NPAS3: variants seen among roughly 807,000 people sequenced by gnomAD.
NPAS3 encodes neuronal PAS domain-containing protein 3.
A neutral mutation model predicts 73.1 loss-of-function variants in NPAS3; 14 were observed. The observed-to-expected ratio is 0.19, with a 90% CI of 0.13 to 0.30. NPAS3 has a LOEUF of 0.30. Among genes scored for constraint, NPAS3 ranks in the 10% least tolerant of loss-of-function variants. The pLI is 1.00. For missense variants in NPAS3, 1,096 were observed against 1,250.0 expected, an observed-to-expected ratio of 0.88 and a Z score of 1.86; for synonymous variants, 620 against 541.5, an observed-to-expected ratio of 1.14 and a Z score of -2.01.
At chr14:33,264,193 G>A (rs1358280346) in intron 3 of NPAS3, among the ~76,000 whole-genome samples, 1 of 151,614 alleles carries the variant, frequency 6.6e-6, no homozygotes, top group Non-Finnish European at 1.5e-5. Context: ...AACACCGCAT[G>A]TTCTCACTCA....
At chr14:33,755,029 G>T (rs1338430232) in intron 7 of NPAS3, among the ~76,000 whole-genome samples, 1 of 152,158 alleles carries the variant, frequency 6.6e-6, no homozygotes, top group Non-Finnish European at 1.5e-5. Context: ...CAGAGCCCTG[G>T]CCTTAGGATC....
chr14:33,784,733 A>ATTTT lies in NPAS3; in HGVS notation c.1153+6164_1153+6165insTTTT, dbSNP rs1361050440. ...TTTTTATTGTTATTTTTATTTATTT[A>ATTTT]TTTATTTATTTATTTTTTTTTTTTT... On this transcript the variant is annotated intron_variant, in intron 9 of 11. Transcript: ENST00000356141. Among the ~76,000 whole-genome samples, 54 of 78,266 alleles carry ATTTT rather than the reference A, an allele frequency of 6.9e-4. 1 individual carries two copies. The highest frequency in any genetic ancestry group is 3.0e-3 in the East Asian group (8 of 2,688). 51.3% of individuals were successfully genotyped at this position (78,266 alleles called of 152,430 possible).
At chr14:32,985,333 A>T (rs2038055014) in intron 1 of NPAS3, among the ~76,000 whole-genome samples, 2 of 152,192 alleles carry the variant, frequency 1.3e-5, no homozygotes, top group Admixed American at 1.3e-4. Context: ...AGGCTATGGA[A>T]CATTTTTGAA....
intron 2 of NPAS3, among the ~76,000 whole-genome samples, chr14:33,145,921 T>C (rs2044222252): frequency 6.6e-6 from 1 of 152,144 alleles, no homozygotes; most frequent in South Asian, 2.1e-4. Context: ...ACTAAATATA[T>C]GAAAAATAAC....
chr14:33,783,273 A>C (rs528392554), intron 9 of NPAS3, among the ~76,000 whole-genome samples: 147 of 152,318 alleles, frequency 9.7e-4, no homozygotes, highest in African/African-American at 3.4e-3. Context: ...GGCCAAATGC[A>C]GATAGCACGG....
At chr14:33,683,243 C>A (rs538583696) in intron 6 of NPAS3, among the ~76,000 whole-genome samples, 2 of 151,972 alleles carry the variant, frequency 1.3e-5, no homozygotes, top group Non-Finnish European at 2.9e-5. Context: ...TTTTCCAAAT[C>A]TTCTATTGAA....
chr14:33,335,033 T>TGTGTGTCC, intron 3 of NPAS3, among the ~76,000 whole-genome samples: 1 of 54,368 alleles, frequency 1.8e-5, no homozygotes, highest in South Asian at 5.1e-4. Context: ...TATTCCATTG[T>TGTGTGTCC]GTGTGTGTGC....
At position 33,242,920 on chromosome 14, in the gene NPAS3, C is replaced by T. The variant is rs774463362; in HGVS notation, c.385+27494C>T. ...TTCTTTGAGTAAAAAATGTTAAAAA[C>T]GAGTGGCCCTTAAAGTCTGCCCTCT... On this transcript the variant is annotated intron_variant, in intron 3 of 11. Coordinates refer to ENST00000356141, the Ensembl canonical transcript of NPAS3. 3.3e-5 allele frequency among the ~76,000 whole-genome samples: 5 copies of T among 152,046 alleles called. No individual in the cohort carries two copies. The East Asian group carries it at 5.8e-4, about 18-fold the overall frequency.
In NPAS3 at chr14:33,312,119, T is replaced by C. The variant is rs78960615; in HGVS notation, c.386-55067T>C. 9.5e-3 allele frequency among the ~76,000 whole-genome samples: 1,440 copies of C among 152,202 alleles called. 85 individuals are homozygous for C. In the East Asian group the frequency reaches 0.14, roughly 15 times the overall value. On this transcript the variant is annotated intron_variant, in intron 3 of 11. Transcript: ENST00000356141. ...GGTCACATTATAACGTGGGTGTCAT[T>C]AGGAGAGAATATTGAGCTATTAACA...
intron 2 of NPAS3, among the ~76,000 whole-genome samples, chr14:33,211,114 C>A (rs1215274247): frequency 6.6e-6 from 1 of 152,152 alleles, no homozygotes; most frequent in Non-Finnish European, 1.5e-5. Flanking sequence ...AAAAAAGACT[C>A]ATTTAACTTA....
intron 2 of NPAS3, among the ~76,000 whole-genome samples, chr14:33,186,794 G>A (rs1050521854): frequency 8.5e-5 from 13 of 152,160 alleles, no homozygotes; most frequent in African/African-American, 3.1e-4. Context: ...ACTCCCCTGA[G>A]ATCACTCTAG....
At chr14:33,133,365 T>A (rs1257033639) in intron 2 of NPAS3, among the ~76,000 whole-genome samples, 2 of 152,198 alleles carry the variant, frequency 1.3e-5, no homozygotes, top group African/African-American at 4.8e-5. Flanking sequence ...TAAAATATTT[T>A]ATTCAGAAGA....
At chr14:33,563,537 C>CACACACACACAGAGAGAGAGAGAGAG in intron 5 of NPAS3, among the ~76,000 whole-genome samples, 1 of 119,652 alleles carries the variant, frequency 8.4e-6, no homozygotes, top group African/African-American at 3.7e-5. Flanking sequence ...CACACACACA[C>CACACACACACAGAGAGAGAGAGAGAG]AGAGAGAGAG....
In NPAS3 at chr14:33,800,245, C is replaced by T. The variant is rs1285185815; in HGVS notation, c.1938C>T (p.Leu646=). The T allele has an allele frequency of 1.2e-6, 2 of 1,613,092 alleles. No homozygotes were observed. Among genetic ancestry groups the T allele is most frequent in the Admixed American group, 3.3e-5 (2 of 59,950 alleles). ...CCTCCCCCAACAGTGCCTCGGTGCT[C>T]AAGATCAAGACGGAGATCTCAGAAC... The change falls in exon 12 of 12, where the codon CTC becomes CTT. Residue 646 remains leucine, a synonymous_variant. Coordinates refer to ENST00000356141, the Ensembl canonical transcript of NPAS3. The surrounding 1 kb of genome is among the most constrained non-coding windows in gnomAD (Gnocchi z 6.5).
intron 4 of NPAS3, among the ~76,000 whole-genome samples, chr14:33,370,165 C>A (rs1329748528): frequency 6.6e-6 from 1 of 152,106 alleles, no homozygotes; most frequent in African/African-American, 2.4e-5. Flanking sequence ...TGACTGCTAT[C>A]TTTAAATAGC....
chr14:33,800,508 C>T lies in NPAS3; in HGVS notation c.2201C>T (p.Ser734Leu), dbSNP rs1289397544. 9.1e-6 allele frequency: 13 copies of T among 1,425,514 alleles called. No individual in the cohort carries two copies. The highest frequency in any genetic ancestry group is 6.9e-5 in the Admixed American group (2 of 28,810). 88.3% of individuals were successfully genotyped at this position (1,425,514 alleles called of 1,614,324 possible). Reference sequence around the variant, plus strand: ...GCCCGCAAGACTCAGTTCGGCGCCTCGGCCACCGCGGCCCTGGCCCCCGTC... The same window carrying T: ...GCCCGCAAGACTCAGTTCGGCGCCTTGGCCACCGCGGCCCTGGCCCCCGTC... Residue 734 changes from serine (S) to leucine (L), a missense_variant, in exon 12 of 12, where the codon TCG (serine) becomes TTG (leucine). Coordinates refer to ENST00000356141, the Ensembl canonical transcript of NPAS3. This position sits in a 1 kb window ranked among gnomAD's most constrained non-coding sequence, Gnocchi z 6.5.
At chr14:33,567,036 C>T (rs1381193400) in intron 5 of NPAS3, among the ~76,000 whole-genome samples, 2 of 152,124 alleles carry the variant, frequency 1.3e-5, no homozygotes, top group Non-Finnish European at 2.9e-5. Flanking sequence ...TTTTTTTACG[C>T]CTAGAATTTT....
chr14:33,240,139 T>G (rs2048168742), intron 3 of NPAS3, among the ~76,000 whole-genome samples: 2 of 151,860 alleles, frequency 1.3e-5, no homozygotes, highest in Non-Finnish European at 2.9e-5. Flanking sequence ...AGGATGCATG[T>G]AAGAGAGAGG....
At chr14:33,724,115 T>C (rs566832116) in intron 6 of NPAS3, among the ~76,000 whole-genome samples, 1 of 152,278 alleles carries the variant, frequency 6.6e-6, no homozygotes, top group South Asian at 2.1e-4. Context: ...TTAAGACATA[T>C]GCATTTATGT....
Sources: gnomAD v4.1 joint callset for allele counts (sites outside exome capture counted in the v4.1 genomes callset) on GRCh38, gnomAD v4.1.1 for gene constraint, Gnocchi (gnomAD v3.1) non-coding constraint, MANE v1.5 for transcripts, NCBI Gene and HGNC (gene_info 2026-07-23, HGNC 2026-07-21) for gene names.